The following CPA6 variants were observed in gnomAD, a reference collection of about 807,000 sequenced individuals.
The protein encoded by CPA6 is carboxypeptidase A6.
Under a neutral mutation model 63.3 loss-of-function variants are expected in CPA6, and 58 were observed. The ratio of observed to expected loss-of-function variants is 0.92; its 90% CI spans 0.74 to 1.14. The LOEUF (loss-of-function observed/expected upper bound fraction) is 1.14. Ranked by LOEUF, CPA6 falls within the 50% of genes most tolerant of loss-of-function variation. CPA6 has a pLI of 0.00. For missense variants in CPA6, 565 were observed against 526.6 expected, an observed-to-expected ratio of 1.07 and a Z score of -0.71; for synonymous variants, 185 against 179.0, an observed-to-expected ratio of 1.03 and a Z score of -0.27.
In CPA6 at chr8:67,646,769, A is replaced by G. The variant is rs562967756; in HGVS notation, c.117-22518T>C. Among the ~76,000 whole-genome samples, 1,063 of 152,266 alleles carry G rather than the reference A, an allele frequency of 7.0e-3. 15 individuals are homozygous for G. Among genetic ancestry groups the G allele is most frequent in the African/African-American group, 0.024 (1,012 of 41,568 alleles). On this transcript the variant is annotated intron_variant, in intron 1 of 10. Transcript: ENST00000297770. ...AGCCTGCAGGGGAAGATTTGAGGGA[A>G]GAGGGCTCCAGGCAAAGGAAACACA...
intron 3 of CPA6, among the ~76,000 whole-genome samples, chr8:67,515,594 G>A (rs750308282): frequency 7.9e-5 from 12 of 151,984 alleles, no homozygotes; most frequent in South Asian, 2.1e-4. Flanking sequence ...TCTCTGCAGC[G>A]TCATGCCACT....
rs564033533 is a variant in CPA6, at chr8:67,687,502, T to C, written c.116+58512A>G. Among the ~76,000 whole-genome samples the C allele has an allele frequency of 4.0e-5, 6 of 151,796 alleles. No individual in the cohort carries two copies. The East Asian group carries it at 1.2e-3, about 29-fold the overall frequency. The stretch of plus-strand genomic sequence containing the variant: ...ACTCATATGCAATTTTTGCTGTTTA[T>C]CAGTCCTGGGACCTTTTGCAAATCA... On this transcript the variant is annotated intron_variant, in intron 1 of 10. Coordinates refer to ENST00000297770, the MANE Select transcript of CPA6 (RefSeq NM_020361.5).
chr8:67,675,040 T>C (rs11784749), intron 1 of CPA6, among the ~76,000 whole-genome samples: 6,453 of 152,206 alleles, frequency 0.042, 174 homozygotes, highest in Non-Finnish European at 0.067. Flanking sequence ...AGCAGGGGCA[T>C]GGGTTGAAAA....
intron 8 of CPA6, among the ~76,000 whole-genome samples, chr8:67,468,523 T>C (rs965867381): frequency 2.0e-5 from 3 of 151,466 alleles, no homozygotes; most frequent in Non-Finnish European, 4.4e-5. Flanking sequence ...GAGGTGAAAG[T>C]TGCAGTGATC....
chr8:67,423,766 C>T (rs1342995101), intron 10 of CPA6, among the ~76,000 whole-genome samples: 1 of 152,140 alleles, frequency 6.6e-6, no homozygotes, highest in East Asian at 1.9e-4. Flanking sequence ...TGAAACTTTC[C>T]CATTCTCTTC....
At chr8:67,606,136 A>G (rs2128984097) in intron 2 of CPA6, among the ~76,000 whole-genome samples, 1 of 143,096 alleles carries the variant, frequency 7.0e-6, no homozygotes, top group South Asian at 2.4e-4. Flanking sequence ...GAACAATGAA[A>G]ACACATGGAC....
chr8:67,457,167 C>T lies in CPA6; in HGVS notation c.839-22927G>A, dbSNP rs138820813. Among the ~76,000 whole-genome samples, 663 of 152,238 alleles carry T rather than the reference C, an allele frequency of 4.4e-3. 8 individuals carry two copies. The highest frequency in any genetic ancestry group is 0.015 in the African/African-American group (627 of 41,536). Reference sequence around the variant, plus strand: ...GGCACAAATAAGCTTTCACAAGCACCGTTTATTTACCCCTACACAGCATTT... The same window carrying T: ...GGCACAAATAAGCTTTCACAAGCACTGTTTATTTACCCCTACACAGCATTT... On this transcript the variant is annotated intron_variant, in intron 8 of 10. Transcript: ENST00000297770.
At chr8:67,540,292 A>G (rs904945931) in intron 2 of CPA6, among the ~76,000 whole-genome samples, 5 of 151,960 alleles carry the variant, frequency 3.3e-5, no homozygotes, top group African/African-American at 1.2e-4. Flanking sequence ...AGTTTGCTGG[A>G]GATCCACTCC....
intron 8 of CPA6, among the ~76,000 whole-genome samples, chr8:67,455,729 T>C (rs1345517050): frequency 6.6e-6 from 1 of 151,634 alleles, no homozygotes; most frequent in African/African-American, 2.4e-5. Context: ...TTTGTTTGTT[T>C]TTTGTTTTTT....
chr8:67,461,330 T>C (rs543251550), intron 8 of CPA6, among the ~76,000 whole-genome samples: 13 of 146,474 alleles, frequency 8.9e-5, no homozygotes, highest in Admixed American at 6.2e-4. Context: ...TTAATCCATT[T>C]AACCCTGAGT....
At chr8:67,427,922 G>A in intron 10 of CPA6, 125 bp downstream of exon 10, 3 of 617,986 alleles carry the variant, frequency 4.9e-6, no homozygotes, top group Non-Finnish European at 8.6e-6. Flanking sequence ...ATTTTCCTCA[G>A]CTAATTTGAT....
At chr8:67,678,015 C>A (rs556879869) in intron 1 of CPA6, among the ~76,000 whole-genome samples, 2 of 152,128 alleles carry the variant, frequency 1.3e-5, no homozygotes, top group Admixed American at 1.3e-4. Flanking sequence ...GCAGGCAGAT[C>A]ACCTGAGGTT....
chr8:67,604,668 C>T (rs952052927), intron 2 of CPA6, among the ~76,000 whole-genome samples: 1 of 152,146 alleles, frequency 6.6e-6, no homozygotes, highest in African/African-American at 2.4e-5. Flanking sequence ...CCTTAATAAA[C>T]ATTTGTGGAA....
At chr8:67,709,460 T>C (rs961560225) in intron 1 of CPA6, among the ~76,000 whole-genome samples, 1 of 152,226 alleles carries the variant, frequency 6.6e-6, no homozygotes, top group Non-Finnish European at 1.5e-5. Flanking sequence ...ATCAAGTTGC[T>C]GCATACTCAT....
chr8:67,493,736 G>A (rs563173554), intron 6 of CPA6, among the ~76,000 whole-genome samples: 1 of 152,214 alleles, frequency 6.6e-6, no homozygotes, highest in Admixed American at 6.5e-5. Flanking sequence ...GACGAATATT[G>A]TGGCTCACTT....
chr8:67,712,872 G>A (rs1015992606), intron 1 of CPA6, among the ~76,000 whole-genome samples: 2 of 151,530 alleles, frequency 1.3e-5, no homozygotes, highest in East Asian at 1.9e-4. Context: ...ACACGGACCC[G>A]CCTGTGAGTC....
At chr8:67,555,383 C>T (rs1813036626) in intron 2 of CPA6, among the ~76,000 whole-genome samples, 1 of 152,106 alleles carries the variant, frequency 6.6e-6, no homozygotes, top group Non-Finnish European at 1.5e-5. Flanking sequence ...TTTACAAAGA[C>T]CCCTAAATGA....
intron 8 of CPA6, among the ~76,000 whole-genome samples, chr8:67,458,145 C>G (rs1396794609): frequency 1.3e-5 from 2 of 152,168 alleles, no homozygotes; most frequent in East Asian, 1.9e-4. Flanking sequence ...AACTCTAAAA[C>G]TCATAGAAAA....
chr8:67,661,656 A>C (rs1017975472), intron 1 of CPA6, among the ~76,000 whole-genome samples: 3 of 152,298 alleles, frequency 2.0e-5, no homozygotes, highest in Middle Eastern at 3.4e-3. Flanking sequence ...TTGGGGGTAA[A>C]AGCTAGAAGA....
Sources: gnomAD v4.1 joint callset for allele counts (sites outside exome capture counted in the v4.1 genomes callset) on GRCh38, gnomAD v4.1.1 for gene constraint, MANE v1.5 for transcripts, NCBI Gene and HGNC (gene_info 2026-07-23, HGNC 2026-07-21) for gene names.